The following HOXA3 variants were observed in gnomAD, a reference collection of about 807,000 sequenced individuals.
HOXA3 encodes homeobox protein Hox-A3.
In HOXA3, 8 loss-of-function variants were observed where a neutral mutation model predicts 30.3. The ratio of observed to expected loss-of-function variants is 0.26; its 90% CI spans 0.15 to 0.48. The LOEUF is 0.48. HOXA3 is among the 20% of genes least tolerant of loss of function. HOXA3 has a pLI of 0.99. For synonymous variants in HOXA3, 323 were observed against 273.1 expected, an observed-to-expected ratio of 1.18 and a Z score of -1.80; for missense variants, 653 against 614.4, an observed-to-expected ratio of 1.06 and a Z score of -0.66.
In HOXA3 at chr7:27,134,572, C is replaced by T. The variant is rs1423532020; in HGVS notation, c.-390+5511G>A. Among the ~76,000 whole-genome samples, 4 of 152,148 alleles carry T rather than the reference C, an allele frequency of 2.6e-5. No individual in the cohort carries two copies. In the South Asian group the frequency reaches 6.2e-4, roughly 24 times the overall value. ...ACACGTAATTGTCTTGTTGACTCAT[C>T]GAGGGGTTTCAGTTTTCCTCATTTC... On this transcript the variant is annotated intron_variant, in intron 2 of 5. Transcript: ENST00000612286.
At chr7:27,142,907 A>C in intron 1 of HOXA3, 1 of 748,718 alleles carries the variant, frequency 1.3e-6, no homozygotes, top group Non-Finnish European at 2.1e-6. Flanking sequence ...AAGGCAGGGG[A>C]GGGAGAACGG....
intron 1 of HOXA3, among the ~76,000 whole-genome samples, chr7:27,145,026 C>A (rs1782701773): frequency 1.3e-5 from 2 of 152,214 alleles, no homozygotes; most frequent in Admixed American, 6.5e-5. Flanking sequence ...GAGGCTGCTT[C>A]TCTTCCACTG....
intron 1 of HOXA3, among the ~76,000 whole-genome samples, chr7:27,146,975 G>A (rs917175596): frequency 6.6e-6 from 1 of 152,126 alleles, no homozygotes. Context: ...GCTGAGCAGG[G>A]TACTCAGGGT....
In HOXA3 at chr7:27,108,950, A is replaced by C. The variant is rs1784202212; in HGVS notation, c.527-230T>G. Among the ~76,000 whole-genome samples, 1 of 152,070 alleles carries C rather than the reference A, an allele frequency of 6.6e-6. No individual in the cohort carries two copies. The highest frequency in any genetic ancestry group is 1.5e-5 in the Non-Finnish European group (1 of 67,996). ...GCCTTCTCGGGGGAAAGGACAGAGA[A>C]GTAGAACCCCCGGTTTGCCTTCCTG... On this transcript the variant is annotated intron_variant, in intron 5 of 5. Transcript: ENST00000612286. This position sits in a 1 kb window ranked among gnomAD's most constrained non-coding sequence, Gnocchi z 5.0.
intron 3 of HOXA3, 144 bp downstream of exon 3, chr7:27,126,742 C>G (rs1037296581): frequency 6.6e-6 from 1 of 152,162 alleles, no homozygotes; most frequent in Non-Finnish European, 1.5e-5. Flanking sequence ...GATCTCAATC[C>G]TCTCTCTTCC....
In HOXA3 at chr7:27,108,433, CG is replaced by C; in HGVS notation, c.813del (p.Gly272GlufsTer6). ...ATAGAGTTCAGATAGCCACCGGCTC[CG>C]GGGGGCACGGGGCTGCGACTTGGAG... ...GQSPSRSPVPPGAGGYLNSMH... is the reference protein window; with the variant it reads ...GQSPSRSPVPXGAGGYLNSMH... On this transcript the variant is annotated frameshift_variant, in exon 6 of 6. Transcript: ENST00000612286. LOFTEE classifies it high-confidence loss of function. The surrounding 1 kb of genome is among the most constrained non-coding windows in gnomAD (Gnocchi z 5.0). 6.2e-7 allele frequency: 1 copy of C among 1,613,548 alleles called. No individual in the cohort carries two copies.
chr7:27,132,255 T>C (rs772792044), intron 2 of HOXA3, among the ~76,000 whole-genome samples: 11 of 152,230 alleles, frequency 7.2e-5, no homozygotes, highest in Non-Finnish European at 1.3e-4. Context: ...CAAAGAGCAG[T>C]ATAAACAGCC....
At chr7:27,136,420 C>T (rs552016671) in intron 2 of HOXA3, among the ~76,000 whole-genome samples, 5 of 152,092 alleles carry the variant, frequency 3.3e-5, no homozygotes. Flanking sequence ...AATGGGAGAA[C>T]CTTGCAAAAA....
intron 4 of HOXA3, among the ~76,000 whole-genome samples, chr7:27,120,382 A>G (rs1383837885): frequency 2.0e-5 from 3 of 151,986 alleles, no homozygotes; most frequent in Non-Finnish European, 4.4e-5. Flanking sequence ...CTGTACTAAA[A>G]ATACAAAAAT....
At chr7:27,146,252 T>TGTGG (rs61260954) in intron 1 of HOXA3, among the ~76,000 whole-genome samples, 107 of 5,628 alleles carry the variant, frequency 0.019, no homozygotes, top group African/African-American at 0.038. Flanking sequence ...TGTGTGTGTT[T>TGTGG]GTGTGTGTGT....
intron 4 of HOXA3, among the ~76,000 whole-genome samples, chr7:27,111,497 T>C (rs1047215165): frequency 2.6e-5 from 4 of 152,014 alleles, no homozygotes; most frequent in African/African-American, 7.2e-5. Context: ...TGTGTGTGTG[T>C]GTGTGTGTGT....
intron 4 of HOXA3, among the ~76,000 whole-genome samples, chr7:27,114,863 A>AATATATATTATATATATT (rs1784620610): frequency 6.5e-4 from 21 of 32,090 alleles, no homozygotes; most frequent in African/African-American, 1.5e-3. Context: ...TTATATATAT[A>AATATATATTATATATATT]ATATATATTA....
intron 2 of HOXA3, chr7:27,130,571 G>A: frequency 1.4e-6 from 2 of 1,446,474 alleles, no homozygotes; most frequent in Non-Finnish European, 1.8e-6. Flanking sequence ...GGCTGCTGCA[G>A]CGGCAGGTGC....
intron 1 of HOXA3, chr7:27,143,282 G>C: frequency 6.2e-7 from 1 of 1,604,834 alleles, no homozygotes; most frequent in Non-Finnish European, 8.5e-7. Flanking sequence ...GCTGCCGGGC[G>C]AGGGGGCCAC....
At chr7:27,129,010 C>T in intron 2 of HOXA3, 1 of 605,636 alleles carries the variant, frequency 1.7e-6, no homozygotes, top group Non-Finnish European at 2.9e-6. Flanking sequence ...GGTTGTTCCA[C>T]CAGCCAGCAT....
At chr7:27,147,595 T>A (rs1381971850) in intron 1 of HOXA3, 1 of 1,614,210 alleles carries the variant, frequency 6.2e-7, no homozygotes, top group Non-Finnish European at 8.5e-7. Flanking sequence ...AGGTGAGGTG[T>A]ACGTCTTGTC....
chr7:27,136,942 T>C (rs1785733704), intron 2 of HOXA3, among the ~76,000 whole-genome samples: 1 of 152,170 alleles, frequency 6.6e-6, no homozygotes, highest in South Asian at 2.1e-4. Context: ...TTTATAGTTT[T>C]GCCATTGACT....
intron 2 of HOXA3, among the ~76,000 whole-genome samples, chr7:27,133,172 A>G (rs574114087): frequency 2.6e-5 from 4 of 152,214 alleles, no homozygotes; most frequent in Non-Finnish European, 5.9e-5. Context: ...CTCAACACCG[A>G]CATTTTGACA....
intron 2 of HOXA3, among the ~76,000 whole-genome samples, chr7:27,133,508 A>T (rs1785625030): frequency 6.6e-6 from 1 of 152,248 alleles, no homozygotes; most frequent in Admixed American, 6.5e-5. Flanking sequence ...TGAAAGCGTT[A>T]TCCTTTCCTT....
Sources: allele counts gnomAD v4.1 joint callset (sites outside exome capture counted in the v4.1 genomes callset), GRCh38; gene constraint gnomAD v4.1.1; non-coding constraint Gnocchi (gnomAD v3.1); transcripts MANE v1.5; gene names NCBI Gene and HGNC (gene_info 2026-07-23, HGNC 2026-07-21).